CLEC4A: variants seen among roughly 807,000 people sequenced by gnomAD.
CLEC4A encodes C-type (calcium dependent, carbohydrate-recognition domain) lectin, superfamily member 6.
CLEC4A carries 27 observed loss-of-function variants against 32.7 expected under a neutral mutation model. The ratio of observed to expected loss-of-function variants is 0.83; its 90% CI spans 0.61 to 1.14. The LOEUF (loss-of-function observed/expected upper bound fraction) is 1.14, where lower values mean the gene tolerates loss of function less well. CLEC4A is among the 50% of genes most tolerant of loss of function. The pLI is 0.00. For missense variants in CLEC4A, 253 were observed against 274.6 expected, an observed-to-expected ratio of 0.92 and a Z score of 0.55; for synonymous variants, 89 against 93.7, an observed-to-expected ratio of 0.95 and a Z score of 0.29.
rs1947889185 is a variant in CLEC4A, at chr12:8,125,664, T to C, written c.186T>C (p.Phe62=). 6.2e-7 allele frequency: 1 copy of C among 1,602,082 alleles called. No individual in the cohort carries two copies. Among genetic ancestry groups the C allele is most frequent in the Non-Finnish European group, 8.6e-7 (1 of 1,169,026 alleles). Residue 62 remains phenylalanine, a synonymous_variant, in exon 2 of 6, where the codon TTT becomes TTC. Transcript: ENST00000229332. ...IFFLLLAISF[F]IAFVIFFQKY... is the part of the protein sequence containing the mutation. ...TCCTGCTATTGGCAATCTCATTCTT[T>C]ATTGCTTTTGTCAGTAAGTATGCCA...
In CLEC4A at chr12:8,138,224, G is replaced by C. The variant is rs1489619432; in HGVS notation, c.651G>C (p.Trp217Cys). 6.2e-7 allele frequency: 1 copy of C among 1,614,030 alleles called. No homozygotes were observed. The highest frequency in any genetic ancestry group is 1.3e-5 in the African/African-American group (1 of 74,906). Residue 217 changes from tryptophan to cysteine, a missense_variant, in exon 6 of 6, where the codon TGG becomes TGC. Transcript: ENST00000229332. The stretch of plus-strand genomic sequence containing the variant: ...GTAAATCACCCAAAAGATGGGGCTG[G>C]AATGATGTTAATTGTCTTGGTCCTC... Reference protein sequence around the residue: ...NFRKSPKRWGWNDVNCLGPQR... With the variant: ...NFRKSPKRWGCNDVNCLGPQR...
chr12:8,106,050 G>T, the CLEC4A span, among the ~76,000 whole-genome samples: 1 of 152,080 alleles, frequency 6.6e-6, no homozygotes, highest in Admixed American at 6.6e-5. Flanking sequence ...AATCCCTCTT[G>T]AGTTGATTTT....
chr12:8,133,878 C>T (rs1948043128), intron 3 of CLEC4A: 1 of 1,584,506 alleles, frequency 6.3e-7, no homozygotes, highest in African/African-American at 1.4e-5. Context: ...TGAGGGCTCC[C>T]ATAGCCTGGG....
intron 4 of CLEC4A, 21 bp from the exon 5 acceptor site, chr12:8,136,767 C>T: frequency 6.9e-7 from 1 of 1,455,370 alleles, no homozygotes; most frequent in Non-Finnish European, 9.7e-7. Context: ...AAGGCTGTGA[C>T]TCCTTCTTTT....
rs2120614932 is a variant in CLEC4A, at chr12:8,133,629, C to T, written c.299-1956C>T. On this transcript the variant is annotated intron_variant, in intron 3 of 5. Coordinates refer to ENST00000229332, the MANE Select transcript of CLEC4A (RefSeq NM_016184.4). ...TCCCTCCAACCAGTTGCCCCAAACTCCCCTGCCCCCACCCTTTGTGTTCCC... is the reference window on the plus strand; with the variant it reads ...TCCCTCCAACCAGTTGCCCCAAACTTCCCTGCCCCCACCCTTTGTGTTCCC... The T allele has an allele frequency of 3.3e-6, 3 of 919,144 alleles. No individual in the cohort carries two copies. In the East Asian group the frequency reaches 7.9e-5, roughly 24 times the overall value. 56.9% of individuals were successfully genotyped at this position (919,144 alleles called of 1,614,324 possible). A position where few individuals can be genotyped will look rare whatever the true frequency, so the allele number is the denominator to read the frequency against.
At chr12:8,128,510 A>C (rs1212056897) in intron 2 of CLEC4A, among the ~76,000 whole-genome samples, 2 of 151,598 alleles carry the variant, frequency 1.3e-5, no homozygotes, top group African/African-American at 4.9e-5. Context: ...TCCCAGGTTC[A>C]AGCAATTCTC....
intron 3 of CLEC4A, chr12:8,134,754 C>A: frequency 6.4e-7 from 1 of 1,559,528 alleles, no homozygotes; most frequent in Non-Finnish European, 8.7e-7. Flanking sequence ...TAGCCAGGTC[C>A]GAGGATCAAC....
Position 8,138,216 on chromosome 12 carries a change from TG to T in CLEC4A, c.647del (p.Gly216AlafsTer17). The T allele has an allele frequency of 1.2e-6, 2 of 1,614,152 alleles. No individual in the cohort carries two copies. The highest frequency in any genetic ancestry group is 1.7e-6 in the Non-Finnish European group (2 of 1,180,024). On this transcript the variant is annotated frameshift_variant, in exon 6 of 6. Transcript: ENST00000229332. LOFTEE classifies it high-confidence loss of function. ...VLNFRKSPKR[W>X]GWNDVNCLGP... is the part of the protein sequence containing the mutation. ...AAATTTTCGTAAATCACCCAAAAGA[TG>T]GGGCTGGAATGATGTTAATTGTCTT...
intron 5 of CLEC4A, among the ~76,000 whole-genome samples, chr12:8,137,851 T>C (rs1948151441): frequency 6.6e-6 from 1 of 152,018 alleles, no homozygotes; most frequent in Non-Finnish European, 1.5e-5. Context: ...GATGGACCCA[T>C]AGGAACAGGA....
At chr12:8,107,119 T>C in the CLEC4A span, among the ~76,000 whole-genome samples, 1 of 152,208 alleles carries the variant, frequency 6.6e-6, no homozygotes, top group African/African-American at 2.4e-5. Context: ...TTTTTTTGCA[T>C]CTATTTAGAT....
rs747325810 is a variant in CLEC4A at position 8,136,856 on chromosome 12, G to A, written c.519G>A (p.Gln173=). The part of the protein sequence containing the change: ...YFVGLSDPEG[Q]RHWQWVDQTP... ...TGGGGCTCTCAGATCCAGAAGGTCA[G>A]CGACATTGGCAATGGGTTGATCAGA... The change falls in exon 5 of 6, where the codon CAG becomes CAA. Residue 173 remains glutamine, a synonymous_variant. Transcript: ENST00000229332. 6.2e-7 allele frequency: 1 copy of A among 1,613,736 alleles called. No individual in the cohort carries two copies. Among genetic ancestry groups the A allele is most frequent in the African/African-American group, 1.3e-5 (1 of 75,060 alleles).
the CLEC4A span, among the ~76,000 whole-genome samples, chr12:8,103,630 C>T: frequency 1.3e-5 from 2 of 152,164 alleles, no homozygotes; most frequent in Non-Finnish European, 2.9e-5. Flanking sequence ...CATGATCCCT[C>T]TGCCTTGGCG....
chr12:8,136,722 A>G (rs1475963654), intron 4 of CLEC4A, 66 bp from the exon 5 acceptor site: 1 of 925,946 alleles, frequency 1.1e-6, no homozygotes, highest in East Asian at 2.4e-5. Flanking sequence ...TGTTTCTCTA[A>G]GGTATTAAGA....
the CLEC4A span, among the ~76,000 whole-genome samples, chr12:8,105,196 CA>C: frequency 6.6e-6 from 1 of 152,188 alleles, no homozygotes; most frequent in Non-Finnish European, 1.5e-5. Context: ...TTCCCACCAG[CA>C]GTGTATAAGT....
the CLEC4A span, among the ~76,000 whole-genome samples, chr12:8,114,838 G>A: frequency 5.3e-5 from 8 of 152,078 alleles, no homozygotes; most frequent in African/African-American, 1.7e-4. Context: ...ATGACTCTCA[G>A]CTCATGAAGG....
chr12:8,123,911 G>A lies in CLEC4A; in HGVS notation c.33G>A (p.Arg11=), dbSNP rs1179295225. 1 of 1,613,346 alleles carries A rather than the reference G, an allele frequency of 6.2e-7. No homozygotes were observed. The highest frequency in any genetic ancestry group is 2.2e-5 in the East Asian group (1 of 44,880). The change falls in exon 1 of 6, where the codon AGG becomes AGA. Residue 11 remains arginine (R), a synonymous_variant. Coordinates refer to ENST00000229332, the MANE Select transcript of CLEC4A (RefSeq NM_016184.4). MTSEITYAEV[R]FKNEFKSSGI... ...CGGAAATCACTTATGCTGAAGTGAG[G>A]TTCAAAAATGAATTCAAGTCCTCAG...
chr12:8,104,204 G>C, the CLEC4A span, among the ~76,000 whole-genome samples: 1 of 151,092 alleles, frequency 6.6e-6, no homozygotes. Context: ...TTTTAGAAAG[G>C]CCAGTCCATT....
the CLEC4A span, among the ~76,000 whole-genome samples, chr12:8,116,176 G>GAC: frequency 4.9e-4 from 74 of 152,196 alleles, 1 homozygote; most frequent in South Asian, 0.015. Flanking sequence ...TGGACAGGCT[G>GAC]GTCTTGAACT....
chr12:8,104,241 C>CTAGGTCTT, the CLEC4A span, among the ~76,000 whole-genome samples: 17 of 151,824 alleles, frequency 1.1e-4, no homozygotes, highest in Admixed American at 1.1e-3. Flanking sequence ...AGATGAGATA[C>CTAGGTCTT]ACCAGTTGTG....
Sources: allele counts gnomAD v4.1 joint callset (sites outside exome capture counted in the v4.1 genomes callset), GRCh38; gene constraint gnomAD v4.1.1; transcripts MANE v1.5; gene names NCBI Gene and HGNC (gene_info 2026-07-23, HGNC 2026-07-21).